Variants in FHIP1A observed in about 807,000 individuals in gnomAD.
FHIP1A encodes FHF complex subunit HOOK interacting protein 1A.
A neutral mutation model predicts 88.6 loss-of-function variants in FHIP1A; 61 were observed. That is an observed-to-expected ratio of 0.69 (90% CI 0.56 to 0.85). The LOEUF (loss-of-function observed/expected upper bound fraction) is 0.85. Ranked by LOEUF, FHIP1A falls within the 40% of genes least tolerant of loss-of-function variation. The pLI is 0.00. For synonymous variants in FHIP1A, 478 were observed against 496.0 expected, an observed-to-expected ratio of 0.96 and a Z score of 0.48; for missense variants, 1,154 against 1,273.5, an observed-to-expected ratio of 0.91 and a Z score of 1.43.
At chr4:151,571,537 G>A (rs1339820345) in intron 4 of FHIP1A, among the ~76,000 whole-genome samples, 1 of 152,160 alleles carries the variant, frequency 6.6e-6, no homozygotes, top group Non-Finnish European at 1.5e-5. Context: ...ATGGTATTTT[G>A]TGTGGAGCTC....
chr4:151,531,528 C>T (rs1027627207), intron 3 of FHIP1A, among the ~76,000 whole-genome samples: 1 of 150,908 alleles, frequency 6.6e-6, no homozygotes, highest in African/African-American at 2.4e-5. Flanking sequence ...CCTTATGAAC[C>T]AGTCTGGCCG....
chr4:151,523,615 A>C (rs1731523457), intron 3 of FHIP1A, among the ~76,000 whole-genome samples: 1 of 152,208 alleles, frequency 6.6e-6, no homozygotes, highest in African/African-American at 2.4e-5. Flanking sequence ...TTGGGAGCAC[A>C]GTGTGAGCAA....
At chr4:151,654,328 C>A (rs563200804) in intron 11 of FHIP1A, among the ~76,000 whole-genome samples, 11 of 152,136 alleles carry the variant, frequency 7.2e-5, no homozygotes, top group African/African-American at 2.4e-4. Flanking sequence ...TGTGCCCCCC[C>A]ACCTCACCCC....
At chr4:151,429,564 A>AAATAAT (rs2126537230) in intron 1 of FHIP1A, among the ~76,000 whole-genome samples, 1 of 152,350 alleles carries the variant, frequency 6.6e-6, no homozygotes, top group African/African-American at 2.4e-5. Flanking sequence ...TTTTGATTAA[A>AAATAAT]AATAATATCC....
intron 1 of FHIP1A, among the ~76,000 whole-genome samples, chr4:151,437,804 T>G (rs1728258044): frequency 6.6e-6 from 1 of 152,224 alleles, no homozygotes; most frequent in Non-Finnish European, 1.5e-5. Context: ...ATGAACCTCA[T>G]TAACTAAAGG....
chr4:151,550,949 G>T (rs1732706155), intron 3 of FHIP1A, among the ~76,000 whole-genome samples: 1 of 152,208 alleles, frequency 6.6e-6, no homozygotes, highest in South Asian at 2.1e-4. Context: ...GAGTTGTCCT[G>T]AATTGGGGAT....
At chr4:151,515,336 C>T (rs1290206844) in intron 3 of FHIP1A, among the ~76,000 whole-genome samples, 1 of 151,602 alleles carries the variant, frequency 6.6e-6, no homozygotes, top group Non-Finnish European at 1.5e-5. Flanking sequence ...GACAAACCCA[C>T]AGCCAATATC....
At chr4:151,486,798 C>G (rs938113535) in intron 3 of FHIP1A, among the ~76,000 whole-genome samples, 1 of 151,882 alleles carries the variant, frequency 6.6e-6, no homozygotes, top group Non-Finnish European at 1.5e-5. Flanking sequence ...GAAACCCCAT[C>G]TTTACTAAAA....
intron 11 of FHIP1A, among the ~76,000 whole-genome samples, chr4:151,654,748 G>A (rs1031532133): frequency 4.6e-5 from 7 of 152,186 alleles, no homozygotes; most frequent in African/African-American, 1.4e-4. Context: ...GTTTCCAAAT[G>A]TGTTTGGCAA....
At chr4:151,505,065 T>C (rs943217118) in intron 3 of FHIP1A, among the ~76,000 whole-genome samples, 3 of 152,184 alleles carry the variant, frequency 2.0e-5, no homozygotes, top group Admixed American at 6.5e-5. Context: ...TGTATGTATG[T>C]CCTCCATGTG....
chr4:151,433,885 TTAGGGACAGCATA>T (rs2073144360), intron 1 of FHIP1A, among the ~76,000 whole-genome samples: 1 of 152,188 alleles, frequency 6.6e-6, no homozygotes, highest in Non-Finnish European at 1.5e-5. Context: ...TCAGATTTAA[TTAGGGACAGCATA>T]TAAAACAGCT....
Position 151,586,583 on chromosome 4 carries a change from TA to T in FHIP1A, c.733-56del, listed in dbSNP as rs1383681140. The stretch of plus-strand genomic sequence containing the variant: ...AGCATTGGCATCACCTGTGAGCTGT[TA>T]ATTGCAGGTTGAGAACTTTGGAAAA... On this transcript the variant is annotated intron_variant, in intron 5 of 13. Transcript: ENST00000435205. 7.9e-6 allele frequency: 11 copies of T among 1,395,376 alleles called. No homozygotes were observed. The East Asian group carries it at 2.5e-4, about 32-fold the overall frequency. The allele number at this position is 1,395,376 out of a possible 1,614,324, so 86.4% of individuals were successfully genotyped here. A position where few individuals can be genotyped will look rare whatever the true frequency, so the allele number is the denominator to read the frequency against.
chr4:151,581,905 T>G (rs1315567446), intron 5 of FHIP1A, among the ~76,000 whole-genome samples: 1 of 152,198 alleles, frequency 6.6e-6, no homozygotes, highest in Non-Finnish European at 1.5e-5. Flanking sequence ...CTGGTTCTGC[T>G]GCCTCATAGC....
intron 1 of FHIP1A, among the ~76,000 whole-genome samples, chr4:151,419,739 C>G (rs1262659292): frequency 1.8e-4 from 3 of 16,900 alleles, no homozygotes; most frequent in African/African-American, 2.5e-4. Flanking sequence ...ATCCCTCCCC[C>G]CTCCCCCGAC....
In FHIP1A at chr4:151,616,995, G is replaced by A. The variant is rs551803281; in HGVS notation, c.979-12707G>A. Among the ~76,000 whole-genome samples the A allele has an allele frequency of 9.2e-5, 14 of 151,690 alleles. No homozygotes were observed. The South Asian group carries it at 2.1e-3, about 23-fold the overall frequency. On this transcript the variant is annotated intron_variant, in intron 7 of 13. Coordinates refer to ENST00000435205, the MANE Select transcript of FHIP1A (RefSeq NM_001109977.3). The stretch of plus-strand genomic sequence containing the variant: ...ACTCCTGACCTCAAGTACTCTGCCC[G>A]CCTCAGCCTCCCAAAGTGCTGTGAT...
At chr4:151,640,654 A>T (rs1199983975) in intron 9 of FHIP1A, among the ~76,000 whole-genome samples, 1 of 152,154 alleles carries the variant, frequency 6.6e-6, no homozygotes, top group Non-Finnish European at 1.5e-5. Context: ...TGCTTCTTTG[A>T]TGGTAGGAAA....
intron 1 of FHIP1A, among the ~76,000 whole-genome samples, chr4:151,425,744 C>G (rs905542542): frequency 6.0e-5 from 9 of 151,128 alleles, no homozygotes; most frequent in Admixed American, 5.9e-4. Context: ...AGAATCCTTG[C>G]CTTTTCCAAC....
At chr4:151,651,623 C>T (rs575379565) in intron 11 of FHIP1A, among the ~76,000 whole-genome samples, 2 of 152,308 alleles carry the variant, frequency 1.3e-5, no homozygotes, top group East Asian at 1.9e-4. Flanking sequence ...TTTTATGACA[C>T]GTAGCACCCA....
At chr4:151,446,214 C>G (rs1002493676) in intron 1 of FHIP1A, among the ~76,000 whole-genome samples, 1 of 152,082 alleles carries the variant, frequency 6.6e-6, no homozygotes, top group Non-Finnish European at 1.5e-5. Flanking sequence ...TCATTTCTTA[C>G]TGCGTGTTTT....
Sources: gnomAD v4.1 joint callset for allele counts (sites outside exome capture counted in the v4.1 genomes callset) on GRCh38, gnomAD v4.1.1 for gene constraint, MANE v1.5 for transcripts, NCBI Gene and HGNC (gene_info 2026-07-23, HGNC 2026-07-21) for gene names.